The following IFT88 variants were observed in gnomAD, a reference collection of about 807,000 sequenced individuals.
IFT88 encodes intraflagellar transport 88, also known as intraflagellar transport protein 88 homolog.
A neutral mutation model predicts 119.5 loss-of-function variants in IFT88; 74 were observed. The observed-to-expected ratio is 0.62, with a 90% confidence interval of 0.51 to 0.75. IFT88 has a LOEUF of 0.75. Ranked by LOEUF, IFT88 falls within the 30% of genes least tolerant of loss-of-function variation. The probability of loss-of-function intolerance (pLI) is 0.00; values close to 1 mark genes in which losing one functional copy is unlikely to be tolerated. For synonymous variants in IFT88, 279 were observed against 316.7 expected, an observed-to-expected ratio of 0.88 and a Z score of 1.26; for missense variants, 961 against 977.7, an observed-to-expected ratio of 0.98 and a Z score of 0.23.
chr13:20,690,657 G>A (rs1366477813), intron 24 of IFT88, 48 bp from the exon 25 acceptor site: 2 of 1,259,652 alleles, frequency 1.6e-6, no homozygotes, highest in Non-Finnish European at 2.3e-6. Flanking sequence ...GTAGTTTTAT[G>A]TTTTCTCAAC....
At chr13:20,677,979 G>A (rs1349094197) in intron 24 of IFT88, among the ~76,000 whole-genome samples, 1 of 152,176 alleles carries the variant, frequency 6.6e-6, no homozygotes, top group Non-Finnish European at 1.5e-5. Context: ...AGACTTCCTA[G>A]CTTAAGGGAA....
chr13:20,661,845 C>T (rs8002138), intron 22 of IFT88, among the ~76,000 whole-genome samples: 5 of 151,874 alleles, frequency 3.3e-5, no homozygotes, highest in African/African-American at 7.3e-5. Context: ...GTAGTGGAGA[C>T]GTCAGCAGAA....
intron 16 of IFT88, among the ~76,000 whole-genome samples, chr13:20,634,596 G>A (rs1486396486): frequency 6.6e-6 from 1 of 152,142 alleles, no homozygotes; most frequent in African/African-American, 2.4e-5. Flanking sequence ...GCATGGTGGT[G>A]CATACCTGTA....
rs1413976374 is a variant in IFT88 at position 20,658,712 on chromosome 13, A to G, written c.2068+2282A>G. The stretch of plus-strand genomic sequence containing the variant: ...TGGTAAAATCCCTGGCCTCTGTCCA[A>G]TAGATTAGCTAGTAGCTCTCTCACC... On this transcript the variant is annotated intron_variant, in intron 22 of 25. Transcript: ENST00000351808. 2.0e-5 allele frequency among the ~76,000 whole-genome samples: 3 copies of G among 152,322 alleles called. No individual in the cohort carries two copies. The East Asian group carries it at 5.8e-4, about 29-fold the overall frequency.
At chr13:20,649,261 G>A (rs1006876828) in intron 20 of IFT88, among the ~76,000 whole-genome samples, 1 of 152,104 alleles carries the variant, frequency 6.6e-6, no homozygotes, top group African/African-American at 2.4e-5. Context: ...CCATAGGTTA[G>A]GCCACAACTT....
intron 14 of IFT88, among the ~76,000 whole-genome samples, chr13:20,618,967 C>T (rs1427752015): frequency 6.6e-6 from 1 of 151,566 alleles, no homozygotes; most frequent in Admixed American, 6.6e-5. Context: ...CGCTATTCTC[C>T]TGCCTCAGCC....
At chr13:20,684,900 G>T (rs2057731067) in intron 24 of IFT88, among the ~76,000 whole-genome samples, 1 of 152,200 alleles carries the variant, frequency 6.6e-6, no homozygotes, top group South Asian at 2.1e-4. Context: ...CCCATGTTGG[G>T]CACCGCTTGC....
At chr13:20,677,123 A>C (rs1173800026) in intron 24 of IFT88, among the ~76,000 whole-genome samples, 1 of 152,340 alleles carries the variant, frequency 6.6e-6, no homozygotes, top group East Asian at 1.9e-4. Flanking sequence ...AGTTTGCCAC[A>C]TAACAAATAT....
chr13:20,640,893 C>G (rs2049831919), intron 17 of IFT88, among the ~76,000 whole-genome samples: 1 of 152,164 alleles, frequency 6.6e-6, no homozygotes, highest in Non-Finnish European at 1.5e-5. Context: ...TACCTGTAAT[C>G]CCAGTACTTT....
chr13:20,653,923 G>T lies in IFT88; in HGVS notation c.1997G>T (p.Arg666Ile). The change falls in exon 21 of 26, where the codon AGA becomes ATA. Residue 666 changes from arginine to isoleucine, a missense_variant. Arg to Ile is a moderately conservative substitution (Grantham distance 97). Coordinates refer to ENST00000351808, the MANE Select transcript of IFT88 (RefSeq NM_006531.5). The stretch of plus-strand genomic sequence containing the variant: ...CTGATGGTAGCTAGTTGTTTCAGAA[G>T]AAGTGGTAAATGCTTTAGTTTTATT... ...WQLMVASCFRRSGNYQKALDT... is the reference protein window; with the variant it reads ...WQLMVASCFRISGNYQKALDT... 1 of 1,581,758 alleles carries T rather than the reference G, an allele frequency of 6.3e-7. No individual in the cohort carries two copies. Among genetic ancestry groups the T allele is most frequent in the Non-Finnish European group, 8.6e-7 (1 of 1,160,758 alleles).
chr13:20,649,319 A>C (rs968155831), intron 20 of IFT88, among the ~76,000 whole-genome samples: 1 of 152,204 alleles, frequency 6.6e-6, no homozygotes, highest in Non-Finnish European at 1.5e-5. Context: ...TTTCTGTCAT[A>C]ATGTAATGAA....
rs1057301344 is a variant in IFT88, at chr13:20,583,127, C to G, written c.153+108C>G. 7 of 619,634 alleles carry G rather than the reference C, an allele frequency of 1.1e-5. No homozygotes were observed. The Middle Eastern group carries it at 1.4e-3, about 126-fold the overall frequency. 38.4% of individuals were successfully genotyped at this position (619,634 alleles called of 1,614,324 possible). On this transcript the variant is annotated intron_variant, in intron 3 of 25. Transcript: ENST00000351808. ...TTCCTGTAGTGTTAAAGATTATAAC[C>G]ATCATTAAGTTTAGATGGTAGTGAA...
At position 20,599,490 on chromosome 13, in the gene IFT88, A is replaced by G; in HGVS notation, c.737A>G (p.Gln246Arg). 1 of 1,539,666 alleles carries G rather than the reference A, an allele frequency of 6.5e-7. No homozygotes were observed. The highest frequency in any genetic ancestry group is 1.8e-5 in the Admixed American group (1 of 56,140). Residue 246 changes from glutamine to arginine, a missense_variant, in exon 11 of 26, where the codon CAA (glutamine) becomes CGA (arginine). Physicochemically the swap from Gln to Arg is conservative, Grantham distance 43. Coordinates refer to ENST00000351808, the MANE Select transcript of IFT88 (RefSeq NM_006531.5). ...KMNMGNIYLK[Q>R]RNYSKAIKFY... ...AATATGGGAAATATCTATTTAAAGC[A>G]AAGAAATTATTCCAAAGCCATTAAA...
At chr13:20,654,282 G>A (rs1286775864) in intron 21 of IFT88, among the ~76,000 whole-genome samples, 1 of 151,964 alleles carries the variant, frequency 6.6e-6, no homozygotes, top group African/African-American at 2.4e-5. Flanking sequence ...CTGTGTGCTC[G>A]GCCAAATTTA....
intron 14 of IFT88, among the ~76,000 whole-genome samples, chr13:20,624,536 A>T (rs1189660497): frequency 1.3e-5 from 2 of 152,226 alleles, no homozygotes; most frequent in Non-Finnish European, 2.9e-5. Context: ...CATCCCCATT[A>T]TACCAGAAGA....
At chr13:20,631,473 C>T (rs1337472655) in intron 16 of IFT88, 2 of 178,138 alleles carry the variant, frequency 1.1e-5, no homozygotes, top group Non-Finnish European at 2.4e-5. Flanking sequence ...CTCTAACAAG[C>T]ATTTATTGAG....
chr13:20,620,507 T>C (rs2046300258), intron 14 of IFT88, among the ~76,000 whole-genome samples: 1 of 152,102 alleles, frequency 6.6e-6, no homozygotes, highest in South Asian at 2.1e-4. Flanking sequence ...ACCCCCAAGG[T>C]GGTAGTATTA....
chr13:20,630,679 A>C (rs762955742), intron 15 of IFT88, among the ~76,000 whole-genome samples: 1 of 152,282 alleles, frequency 6.6e-6, no homozygotes, highest in African/African-American at 2.4e-5. Flanking sequence ...GATTATAGGC[A>C]TGAGCCACCA....
At chr13:20,662,105 G>A (rs1030707007) in intron 22 of IFT88, among the ~76,000 whole-genome samples, 3 of 152,152 alleles carry the variant, frequency 2.0e-5, no homozygotes, top group Non-Finnish European at 4.4e-5. Flanking sequence ...GATTAATTCT[G>A]GGACGAAGCT....
Sources: allele counts gnomAD v4.1 joint callset (sites outside exome capture counted in the v4.1 genomes callset), GRCh38; gene constraint gnomAD v4.1.1; transcripts MANE v1.5; gene names NCBI Gene and HGNC (gene_info 2026-07-23, HGNC 2026-07-21).